The following COX10 variants were observed in gnomAD, a reference collection of about 807,000 sequenced individuals.
The protein encoded by COX10 is protoheme IX farnesyltransferase, mitochondrial.
Under a neutral mutation model 37.3 loss-of-function variants are expected in COX10, and 27 were observed. The observed-to-expected ratio is 0.72, with a 90% confidence interval of 0.53 to 1.00. The LOEUF (loss-of-function observed/expected upper bound fraction) is 1.00. Among genes scored for constraint, COX10 ranks in the 50% least tolerant of loss-of-function variants. The pLI is 0.00. For missense variants in COX10, 475 were observed against 563.2 expected (o/e 0.84, Z 1.59); for synonymous variants, 222 against 229.1 (o/e 0.97, Z 0.28).
At chr17:14,116,456 C>T (rs1042365855) in intron 4 of COX10, among the ~76,000 whole-genome samples, 5 of 152,154 alleles carry the variant, frequency 3.3e-5, no homozygotes, top group African/African-American at 7.2e-5. Flanking sequence ...CTTAGACTTA[C>T]GCAGGACACC....
chr17:14,143,797 C>A (rs375942802), intron 4 of COX10, among the ~76,000 whole-genome samples: 6 of 152,268 alleles, frequency 3.9e-5, no homozygotes, highest in Non-Finnish European at 5.9e-5. Flanking sequence ...GACGTATTTT[C>A]TCCCTATTGC....
At chr17:14,160,616 C>T (rs1905154293) in intron 5 of COX10, among the ~76,000 whole-genome samples, 1 of 152,092 alleles carries the variant, frequency 6.6e-6, no homozygotes, top group African/African-American at 2.4e-5. Context: ...CCTCATGGAG[C>T]TTAAAATTTA....
At chr17:14,173,697 G>A (rs1377122813) in intron 5 of COX10, among the ~76,000 whole-genome samples, 1 of 152,234 alleles carries the variant, frequency 6.6e-6, no homozygotes, top group South Asian at 2.1e-4. Flanking sequence ...TTGTTCTGGA[G>A]CTCCTGACTA....
chr17:14,147,476 T>C (rs981444884), intron 4 of COX10, among the ~76,000 whole-genome samples: 2 of 151,850 alleles, frequency 1.3e-5, no homozygotes, highest in Admixed American at 1.3e-4. Context: ...AGATAGAGAG[T>C]AGAAGGACGG....
intron 3 of COX10, among the ~76,000 whole-genome samples, chr17:14,082,283 A>C (rs1915313960): frequency 1.3e-5 from 2 of 152,158 alleles, no homozygotes; most frequent in South Asian, 4.1e-4. Flanking sequence ...CTGTTCATAA[A>C]GGGAAGTGAT....
At chr17:14,151,057 T>C (rs1904878714) in intron 4 of COX10, among the ~76,000 whole-genome samples, 1 of 127,642 alleles carries the variant, frequency 7.8e-6, no homozygotes, top group South Asian at 2.4e-4. Flanking sequence ...CTAATTATTA[T>C]AAAGCACAGG....
intron 3 of COX10, among the ~76,000 whole-genome samples, chr17:14,095,822 G>A (rs1915637184): frequency 6.6e-6 from 1 of 152,140 alleles, no homozygotes; most frequent in Admixed American, 6.6e-5. Context: ...CTTAGCTCCT[G>A]GAAGCAGCCT....
At chr17:14,190,369 G>A (rs1388951842) in intron 5 of COX10, among the ~76,000 whole-genome samples, 1 of 152,144 alleles carries the variant, frequency 6.6e-6, no homozygotes, top group Non-Finnish European at 1.5e-5. Flanking sequence ...GTGCCTGAGT[G>A]AGTATTGTGG....
At chr17:14,151,770 G>A (rs551722073) in intron 4 of COX10, among the ~76,000 whole-genome samples, 1 of 152,308 alleles carries the variant, frequency 6.6e-6, no homozygotes, top group East Asian at 1.9e-4. Flanking sequence ...GGGAAGGAAT[G>A]TGAATGTTCA....
At chr17:14,190,740 A>C (rs551362949) in intron 5 of COX10, among the ~76,000 whole-genome samples, 607 of 151,794 alleles carry the variant, frequency 4.0e-3, no homozygotes, top group Non-Finnish European at 6.7e-3. Context: ...CTCCTCTGGC[A>C]CCCTCCCGGC....
intron 4 of COX10, among the ~76,000 whole-genome samples, chr17:14,124,540 T>A (rs920470649): frequency 1.3e-5 from 2 of 152,160 alleles, no homozygotes; most frequent in Non-Finnish European, 2.9e-5. Context: ...AAATGTTTGT[T>A]CTCACAGTTC....
chr17:14,178,733 A>C lies in COX10; in HGVS notation c.696-13256A>C, dbSNP rs1381200594. ...GCCCTGCCAACCACTCTTCACTTAA[A>C]TGGACTCATATCAAAATGGCAACCT... On this transcript the variant is annotated intron_variant, in intron 5 of 6. Transcript: ENST00000261643. Among the ~76,000 whole-genome samples the C allele has an allele frequency of 2.6e-5, 4 of 152,224 alleles. No individual in the cohort carries two copies. In the East Asian group the frequency reaches 7.8e-4, roughly 30 times the overall value.
At chr17:14,196,425 T>G (rs12453877) in intron 6 of COX10, among the ~76,000 whole-genome samples, 35,415 of 152,068 alleles carry the variant, frequency 0.23, 5,174 homozygotes, top group Admixed American at 0.32. Context: ...ATGACCAGTT[T>G]CTTTGAGGAG....
chr17:14,108,313 G>A (rs1175820559), intron 4 of COX10, among the ~76,000 whole-genome samples: 1 of 152,098 alleles, frequency 6.6e-6, no homozygotes, highest in East Asian at 1.9e-4. Context: ...TTGAGTCTAG[G>A]TTCATCAGGT....
chr17:14,206,872 TG>T lies in COX10; in HGVS notation c.995del (p.Gly332AlafsTer13). The T allele has an allele frequency of 6.2e-7, 1 of 1,614,146 alleles. No individual in the cohort carries two copies. The highest frequency in any genetic ancestry group is 2.2e-5 in the East Asian group (1 of 44,860). On this transcript the variant is annotated frameshift_variant, in exon 7 of 7. Transcript: ENST00000261643. LOFTEE classifies it high-confidence loss of function. ...GTTTCCTCATTTCAACGCCCTGAGCTGGGGCCTCCGTGAAGACTACTCCCGG... is the reference window on the plus strand; with the variant it reads ...GTTTCCTCATTTCAACGCCCTGAGCTGGGCCTCCGTGAAGACTACTCCCGG... The part of the protein sequence containing the change: ...WQFPHFNALS[W>X]GLREDYSRGG...
intron 3 of COX10, among the ~76,000 whole-genome samples, chr17:14,085,623 A>T (rs752910890): frequency 1.3e-5 from 2 of 152,132 alleles, no homozygotes; most frequent in Non-Finnish European, 2.9e-5. Context: ...GTTATACCAT[A>T]ATTTATTTAT....
At chr17:14,172,578 C>CTTTTTT (rs57560461) in intron 5 of COX10, among the ~76,000 whole-genome samples, 11 of 105,618 alleles carry the variant, frequency 1.0e-4, no homozygotes, top group African/African-American at 3.0e-4. Flanking sequence ...TTTTCTTTTT[C>CTTTTTT]TTTTTTTTTT....
chr17:14,135,450 T>C (rs377208124), intron 4 of COX10, among the ~76,000 whole-genome samples: 5 of 151,988 alleles, frequency 3.3e-5, no homozygotes, highest in African/African-American at 7.2e-5. Context: ...GGGGAGCTGA[T>C]TGAAAATGCA....
chr17:14,082,425 C>T (rs1000861614), intron 3 of COX10, among the ~76,000 whole-genome samples: 5 of 152,140 alleles, frequency 3.3e-5, no homozygotes, highest in African/African-American at 4.8e-5. Context: ...TCTTCTTAGA[C>T]TCTTAAATGA....
Sources: allele counts gnomAD v4.1 joint callset (sites outside exome capture counted in the v4.1 genomes callset), GRCh38; gene constraint gnomAD v4.1.1; transcripts MANE v1.5; gene names NCBI Gene and HGNC (gene_info 2026-07-23, HGNC 2026-07-21).